Variants in C1QTNF3 observed in about 807,000 individuals in gnomAD.
C1QTNF3 encodes the protein C1q and TNF related 3.
Under a neutral mutation model 32.6 loss-of-function variants are expected in C1QTNF3, and 26 were observed. The observed-to-expected ratio is 0.80, with a 90% confidence interval of 0.58 to 1.11. The LOEUF (loss-of-function observed/expected upper bound fraction) is 1.11. Ranked by LOEUF, C1QTNF3 falls within the 50% of genes least tolerant of loss-of-function variation. C1QTNF3 has a pLI of 0.00. For synonymous variants in C1QTNF3, 155 were observed against 146.0 expected (o/e 1.06, Z -0.44); for missense variants, 362 against 398.2 (o/e 0.91, Z 0.77).
the C1QTNF3 span, among the ~76,000 whole-genome samples, chr5:34,123,339 C>A: frequency 6.6e-6 from 1 of 152,170 alleles, no homozygotes; most frequent in Non-Finnish European, 1.5e-5. Context: ...TATATGAATG[C>A]ACATACATAC....
rs771942019 is a variant in C1QTNF3 at position 34,020,732 on chromosome 5, T to G, written c.811A>C (p.Lys271Gln). ...TTGCTGGATGTATCTGATTTGCCCT[T>G]CATTTCATAGCTGGAAAGAAAAAGA... Reference protein sequence around the residue: ...TVFSMYSYEMKGKSDTSSNHA... With the variant: ...TVFSMYSYEMQGKSDTSSNHA... The change falls in exon 6 of 6, where the codon AAG becomes CAG. Residue 271 changes from lysine to glutamine, a missense_variant. Physicochemically the swap from Lys to Gln is moderately conservative, Grantham distance 53 (BLOSUM62 1). Coordinates refer to ENST00000382065, the MANE Select transcript of C1QTNF3 (RefSeq NM_181435.6). 6.2e-7 allele frequency: 1 copy of G among 1,611,898 alleles called. No individual in the cohort carries two copies. Among genetic ancestry groups the G allele is most frequent in the South Asian group, 1.1e-5 (1 of 90,828 alleles).
the C1QTNF3 span, among the ~76,000 whole-genome samples, chr5:34,229,066 T>C: frequency 2.0e-5 from 3 of 152,034 alleles, no homozygotes; most frequent in African/African-American, 7.2e-5. Flanking sequence ...ATTAGATAAA[T>C]AGAAATCTTA....
chr5:34,221,270 C>T, the C1QTNF3 span, among the ~76,000 whole-genome samples: 310 of 152,090 alleles, frequency 2.0e-3, 2 homozygotes, highest in Middle Eastern at 3.4e-3. Flanking sequence ...CTAAAACATG[C>T]CTTTGATACT....
At chr5:34,135,405 C>A in the C1QTNF3 span, among the ~76,000 whole-genome samples, 8 of 152,114 alleles carry the variant, frequency 5.3e-5, no homozygotes, top group Admixed American at 4.6e-4. Flanking sequence ...CTCTGCCAGG[C>A]TTTGGTATCA....
the C1QTNF3 span, among the ~76,000 whole-genome samples, chr5:34,214,229 A>C: frequency 6.6e-6 from 1 of 152,104 alleles, no homozygotes; most frequent in Non-Finnish European, 1.5e-5. Flanking sequence ...AACATATATG[A>C]ATGATTGAAA....
intron 4 of C1QTNF3, among the ~76,000 whole-genome samples, chr5:34,025,601 GA>G (rs1190162325): frequency 6.6e-6 from 1 of 152,284 alleles, no homozygotes; most frequent in Admixed American, 6.5e-5. Context: ...TCCCAAAGTT[GA>G]AAAGGACAAA....
At chr5:34,079,318 T>C in the C1QTNF3 span, among the ~76,000 whole-genome samples, 1 of 151,608 alleles carries the variant, frequency 6.6e-6, no homozygotes, top group Non-Finnish European at 1.5e-5. Context: ...ACTAAGGAGA[T>C]AATTATGTAC....
the C1QTNF3 span, among the ~76,000 whole-genome samples, chr5:34,161,147 C>G: frequency 6.6e-6 from 1 of 152,282 alleles, no homozygotes. Context: ...CCAACCCTTG[C>G]AAGCCTCAGA....
chr5:34,161,016 G>A, the C1QTNF3 span, among the ~76,000 whole-genome samples: 2 of 152,106 alleles, frequency 1.3e-5, no homozygotes, highest in Non-Finnish European at 2.9e-5. Flanking sequence ...TGATTCATAT[G>A]CATACATTTT....
chr5:34,127,405 A>G, the C1QTNF3 span, among the ~76,000 whole-genome samples: 1 of 151,868 alleles, frequency 6.6e-6, no homozygotes, highest in East Asian at 1.9e-4. Context: ...TGAGGAACTT[A>G]TTGTGAACTA....
the C1QTNF3 span, among the ~76,000 whole-genome samples, chr5:34,222,565 T>A: frequency 1.3e-5 from 2 of 151,998 alleles, no homozygotes; most frequent in Non-Finnish European, 2.9e-5. Context: ...CATTTGCATA[T>A]GGGTATATAT....
At chr5:34,211,277 A>G in the C1QTNF3 span, among the ~76,000 whole-genome samples, 2 of 151,788 alleles carry the variant, frequency 1.3e-5, no homozygotes. Flanking sequence ...TTACACTCAC[A>G]TTTTACATAT....
At chr5:34,079,398 T>C in the C1QTNF3 span, among the ~76,000 whole-genome samples, 16 of 151,560 alleles carry the variant, frequency 1.1e-4, no homozygotes, top group African/African-American at 3.7e-4. Flanking sequence ...GAAATTCATA[T>C]TTTTTTCATA....
chr5:34,089,984 T>C, the C1QTNF3 span, among the ~76,000 whole-genome samples: 1 of 152,214 alleles, frequency 6.6e-6, no homozygotes, highest in Admixed American at 6.5e-5. Flanking sequence ...AGAACATAGT[T>C]GTTAATCATA....
chr5:34,032,349 G>A (rs1561057772), intron 3 of C1QTNF3, among the ~76,000 whole-genome samples: 1 of 152,020 alleles, frequency 6.6e-6, no homozygotes, highest in Non-Finnish European at 1.5e-5. Context: ...ACTTGAGCCT[G>A]GAAAAAAATG....
the C1QTNF3 span, among the ~76,000 whole-genome samples, chr5:34,094,522 C>T: frequency 6.7e-6 from 1 of 149,722 alleles, no homozygotes; most frequent in Non-Finnish European, 1.5e-5. Context: ...TAATTTTCTA[C>T]TTGCATTTGG....
chr5:34,132,454 T>TATATATATATATAC, the C1QTNF3 span, among the ~76,000 whole-genome samples: 1 of 146,028 alleles, frequency 6.8e-6, no homozygotes, highest in African/African-American at 2.6e-5. Context: ...TATATATATA[T>TATATATATATATAC]ATATATATAT....
At chr5:34,023,207 A>C (rs1754383892) in intron 5 of C1QTNF3, among the ~76,000 whole-genome samples, 1 of 152,148 alleles carries the variant, frequency 6.6e-6, no homozygotes, top group African/African-American at 2.4e-5. Flanking sequence ...GGCTTCCTCA[A>C]AAAACAGGAA....
At chr5:34,033,959 T>C (rs1754677118) in intron 2 of C1QTNF3, among the ~76,000 whole-genome samples, 1 of 152,196 alleles carries the variant, frequency 6.6e-6, no homozygotes, top group African/African-American at 2.4e-5. Flanking sequence ...CCCTAGAGTT[T>C]GAGACAAGCT....
Sources: allele counts gnomAD v4.1 joint callset (sites outside exome capture counted in the v4.1 genomes callset), GRCh38; gene constraint gnomAD v4.1.1; transcripts MANE v1.5; gene names NCBI Gene and HGNC (gene_info 2026-07-23, HGNC 2026-07-21).